The following MYRIP variants were observed in gnomAD, a reference collection of about 807,000 sequenced individuals.
MYRIP encodes rab effector MyRIP.
Under a neutral mutation model 98.0 loss-of-function variants are expected in MYRIP, and 49 were observed. The ratio of observed to expected loss-of-function variants is 0.50; its 90% CI spans 0.40 to 0.63. MYRIP has a LOEUF of 0.63. Ranked by LOEUF, MYRIP falls within the 30% of genes least tolerant of loss-of-function variation. The probability of loss-of-function intolerance (pLI) is 0.00; values close to 1 mark genes in which losing one functional copy is unlikely to be tolerated. For missense variants in MYRIP, 1,004 were observed against 1,058.2 expected, an observed-to-expected ratio of 0.95 and a Z score of 0.71; for synonymous variants, 404 against 409.5, an observed-to-expected ratio of 0.99 and a Z score of 0.16.
chr3:39,901,508 ATAC>A (rs1457056004), intron 2 of MYRIP, among the ~76,000 whole-genome samples: 1 of 152,182 alleles, frequency 6.6e-6, no homozygotes, highest in Non-Finnish European at 1.5e-5. Context: ...GCTCTTGGAA[ATAC>A]TATGGCAGGT....
At chr3:40,000,504 A>G (rs544336920) in intron 2 of MYRIP, among the ~76,000 whole-genome samples, 10 of 152,292 alleles carry the variant, frequency 6.6e-5, no homozygotes, top group African/African-American at 2.4e-4. Context: ...GGCTTTGAAA[A>G]TCCTTCGATT....
At chr3:40,097,992 A>G (rs1190195962) in intron 3 of MYRIP, among the ~76,000 whole-genome samples, 1 of 152,144 alleles carries the variant, frequency 6.6e-6, no homozygotes, top group Non-Finnish European at 1.5e-5. Flanking sequence ...AACCCTGGAC[A>G]CTCTGATCTG....
At chr3:39,812,211 C>T (rs867024061) in intron 1 of MYRIP, among the ~76,000 whole-genome samples, 2 of 152,202 alleles carry the variant, frequency 1.3e-5, no homozygotes, top group Non-Finnish European at 2.9e-5. Flanking sequence ...AGGCACTATC[C>T]TCCAAGGGTA....
At chr3:40,118,141 A>G (rs1949321362) in intron 3 of MYRIP, among the ~76,000 whole-genome samples, 1 of 152,254 alleles carries the variant, frequency 6.6e-6, no homozygotes, top group African/African-American at 2.4e-5. Context: ...TCATAATATG[A>G]TAAATGTAAA....
intron 2 of MYRIP, among the ~76,000 whole-genome samples, chr3:39,903,855 T>C (rs182807302): frequency 1.3e-5 from 2 of 152,336 alleles, no homozygotes; most frequent in Admixed American, 1.3e-4. Context: ...ATTTCAAAAC[T>C]GTTTTACTCT....
chr3:40,073,053 A>G (rs1948264797), intron 3 of MYRIP, among the ~76,000 whole-genome samples: 1 of 152,184 alleles, frequency 6.6e-6, no homozygotes, highest in African/African-American at 2.4e-5. Flanking sequence ...TGGCATTTTG[A>G]TAGAACGTAC....
At chr3:40,171,685 C>T (rs1205986864) in intron 8 of MYRIP, among the ~76,000 whole-genome samples, 4 of 152,150 alleles carry the variant, frequency 2.6e-5, no homozygotes, top group African/African-American at 7.2e-5. Flanking sequence ...TGTTTAGTTT[C>T]GTGTCTGTAA....
chr3:39,834,519 A>G (rs887531338), intron 1 of MYRIP, among the ~76,000 whole-genome samples: 1 of 152,158 alleles, frequency 6.6e-6, no homozygotes, highest in Non-Finnish European at 1.5e-5. Flanking sequence ...GAAAGAATCT[A>G]TTGGTAAAGT....
At chr3:40,135,376 G>T (rs1559415342) in intron 3 of MYRIP, among the ~76,000 whole-genome samples, 1 of 152,182 alleles carries the variant, frequency 6.6e-6, no homozygotes. Context: ...AGAAATATGG[G>T]ACTATGTGAA....
chr3:39,864,689 A>G (rs907223682), intron 1 of MYRIP, among the ~76,000 whole-genome samples: 1 of 152,210 alleles, frequency 6.6e-6, no homozygotes, highest in Non-Finnish European at 1.5e-5. Context: ...GCTTATGGAT[A>G]GGAAGAATCA....
intron 11 of MYRIP, among the ~76,000 whole-genome samples, chr3:40,219,828 A>G (rs1952275227): frequency 2.0e-5 from 3 of 151,610 alleles, no homozygotes; most frequent in Non-Finnish European, 4.4e-5. Context: ...AGCATGATTT[A>G]TAATCCTTTG....
intron 2 of MYRIP, among the ~76,000 whole-genome samples, chr3:39,983,384 T>A (rs565889634): frequency 6.6e-6 from 1 of 152,364 alleles, no homozygotes; most frequent in South Asian, 2.1e-4. Context: ...CTGTATACCA[T>A]AATTTATAAC....
At chr3:40,213,686 C>CT (rs11457447) in intron 11 of MYRIP, among the ~76,000 whole-genome samples, 143,800 of 152,098 alleles carry the variant, frequency 0.95, 68,143 homozygotes, top group Middle Eastern at 0.98. Flanking sequence ...ATTCCAGAAG[C>CT]GCCACTGCGC....
intron 3 of MYRIP, among the ~76,000 whole-genome samples, chr3:40,064,358 A>G (rs1026637045): frequency 2.6e-5 from 4 of 151,722 alleles, no homozygotes; most frequent in Admixed American, 6.6e-5. Context: ...CTTTGGAGGG[A>G]GAAAAAAAAA....
chr3:40,016,965 A>G (rs1396692729), intron 2 of MYRIP, among the ~76,000 whole-genome samples: 3 of 152,022 alleles, frequency 2.0e-5, no homozygotes, highest in African/African-American at 4.8e-5. Flanking sequence ...CAAAGATCAC[A>G]CTCTAATGGG....
intron 2 of MYRIP, among the ~76,000 whole-genome samples, chr3:39,931,223 G>T (rs1329185376): frequency 6.6e-6 from 1 of 151,858 alleles, no homozygotes; most frequent in South Asian, 2.1e-4. Flanking sequence ...AATGATGTTT[G>T]TAGTTTTCCA....
chr3:39,817,238 G>A (rs534801585), intron 1 of MYRIP, among the ~76,000 whole-genome samples: 14 of 152,234 alleles, frequency 9.2e-5, no homozygotes, highest in Admixed American at 9.2e-4. Context: ...ACCTGGTAAG[G>A]ATCGAAAAAG....
intron 2 of MYRIP, among the ~76,000 whole-genome samples, chr3:39,988,889 G>A (rs1046642696): frequency 6.6e-6 from 1 of 151,506 alleles, no homozygotes; most frequent in African/African-American, 2.4e-5. Context: ...TGTCTAAACT[G>A]GTTATTCTAT....
At chr3:40,102,719 A>G (rs1412309982) in intron 3 of MYRIP, among the ~76,000 whole-genome samples, 1 of 151,994 alleles carries the variant, frequency 6.6e-6, no homozygotes, top group Non-Finnish European at 1.5e-5. Context: ...CTGGCATCTC[A>G]GAGTTAGGTA....
Sources: gnomAD v4.1 joint callset for allele counts (sites outside exome capture counted in the v4.1 genomes callset) on GRCh38, gnomAD v4.1.1 for gene constraint, MANE v1.5 for transcripts, NCBI Gene and HGNC (gene_info 2026-07-23, HGNC 2026-07-21) for gene names.